Variants in LMAN1 observed in about 807,000 individuals in gnomAD.
LMAN1 encodes lectin, mannose binding 1, also known as protein ERGIC-53.
A neutral mutation model predicts 67.8 loss-of-function variants in LMAN1; 32 were observed. The observed-to-expected ratio is 0.47, with a 90% CI of 0.36 to 0.63. LMAN1 has a LOEUF of 0.63. LMAN1 is among the 30% of genes least tolerant of loss of function. LMAN1 has a pLI of 0.00. For missense variants in LMAN1, 632 were observed against 628.2 expected (o/e 1.01, Z -0.06); for synonymous variants, 235 against 219.3 (o/e 1.07, Z -0.63).
At chr18:59,355,715 A>C in intron 1 of LMAN1, 57 bp from the exon 2 acceptor site, 1 of 1,569,926 alleles carries the variant, frequency 6.4e-7, no homozygotes. Flanking sequence ...AAACTCAATG[A>C]TCATTTCCAA....
chr18:59,346,194 C>G, intron 7 of LMAN1, 143 bp from the exon 8 acceptor site: 2 of 423,958 alleles, frequency 4.7e-6, no homozygotes, highest in Admixed American at 3.9e-5. Context: ...TTTACTTAAA[C>G]GATAGCAAAT....
chr18:59,345,725 A>C (rs184727606), intron 8 of LMAN1, among the ~76,000 whole-genome samples, 194 bp downstream of exon 8: 1 of 152,206 alleles, frequency 6.6e-6, no homozygotes, highest in Non-Finnish European at 1.5e-5. Flanking sequence ...ACTAAGCCAC[A>C]TTCTCACTGG....
At chr18:59,355,119 C>T (rs1908630288) in intron 3 of LMAN1, among the ~76,000 whole-genome samples, 194 bp downstream of exon 3, 1 of 152,108 alleles carries the variant, frequency 6.6e-6, no homozygotes. Flanking sequence ...AGCTGATGTA[C>T]AAAAAATCAT....
rs749081325 is a variant in LMAN1, at chr18:59,359,139, C to G, written c.106G>C (p.Asp36His). ...CGATGTGGCAACGCGACCGCGGGGT[C>G]TCCTCCCACGCCGTCGCCCCGGACG... ...RFVRGDGVGG[D>H]PAVALPHRRF... Residue 36 changes from aspartate to histidine, a missense_variant, in exon 1 of 13, where the codon GAC becomes CAC. Coordinates refer to ENST00000251047, the MANE Select transcript of LMAN1 (RefSeq NM_005570.4). 6.2e-7 allele frequency: 1 copy of G among 1,613,984 alleles called. No individual in the cohort carries two copies. Among genetic ancestry groups the G allele is most frequent in the African/African-American group, 1.3e-5 (1 of 74,940 alleles).
At chr18:59,357,917 T>C (rs35167003) in intron 1 of LMAN1, among the ~76,000 whole-genome samples, 3,385 of 137,988 alleles carry the variant, frequency 0.025, 46 homozygotes, top group Non-Finnish European at 0.037. Flanking sequence ...AATGTATACA[T>C]ACTAACCAAC....
intron 10 of LMAN1, among the ~76,000 whole-genome samples, chr18:59,337,606 TG>T: frequency 6.6e-6 from 1 of 152,322 alleles, no homozygotes; most frequent in East Asian, 1.9e-4. Flanking sequence ...TTAAAAAGGT[TG>T]CGTTACATGA....
At chr18:59,349,080 A>T in intron 6 of LMAN1, 33 bp downstream of exon 6, 2 of 1,613,502 alleles carry the variant, frequency 1.2e-6, no homozygotes. Context: ...CACACCTCAC[A>T]AACTTTTAAT....
In LMAN1 at chr18:59,359,229, G is replaced by C. The variant is rs763331533; in HGVS notation, c.16C>G (p.Gln6Glu). ...CGAACTCTGGCCCGGAGACCCCTTTGCCTGGATCCCGCCATCTTGGATTCT... is the reference window on the plus strand; with the variant it reads ...CGAACTCTGGCCCGGAGACCCCTTTCCCTGGATCCCGCCATCTTGGATTCT... MAGSR[Q>E]RGLRARVRPL... The change falls in exon 1 of 13, where the codon CAA (glutamine) becomes GAA (glutamate). Residue 6 changes from glutamine to glutamate, a missense_variant. By Grantham distance (29) the Gln-to-Glu change is conservative. Transcript: ENST00000251047. 8 of 1,613,704 alleles carry C rather than the reference G, an allele frequency of 5.0e-6. No homozygotes were observed. The highest frequency in any genetic ancestry group is 2.7e-5 in the African/African-American group (2 of 74,938).
chr18:59,345,509 C>T (rs1285507638), intron 8 of LMAN1, among the ~76,000 whole-genome samples: 1 of 152,086 alleles, frequency 6.6e-6, no homozygotes, highest in Non-Finnish European at 1.5e-5. Context: ...AATTATGTGT[C>T]ACTAAAACCA....
chr18:59,340,554 TG>T (rs1908264619), intron 8 of LMAN1, among the ~76,000 whole-genome samples: 1 of 150,366 alleles, frequency 6.7e-6, no homozygotes, highest in South Asian at 2.1e-4. Context: ...GCTTCACAAA[TG>T]AAGAAGAAAT....
At chr18:59,331,263 C>T (rs1003961662) in intron 12 of LMAN1, 134 bp from the exon 13 acceptor site, 14 of 1,046,226 alleles carry the variant, frequency 1.3e-5, no homozygotes, top group Admixed American at 3.9e-5. Context: ...ATATTCTACA[C>T]GTGCACTTTA....
chr18:59,355,793 A>G (rs1393519936), intron 1 of LMAN1, 135 bp from the exon 2 acceptor site: 4 of 981,270 alleles, frequency 4.1e-6, no homozygotes, highest in Non-Finnish European at 6.2e-6. Flanking sequence ...TTTCATGTTG[A>G]CAGTTTTAAC....
chr18:59,345,855 A>G, intron 8 of LMAN1, 64 bp downstream of exon 8: 1 of 1,593,318 alleles, frequency 6.3e-7, no homozygotes, highest in Non-Finnish European at 8.6e-7. Context: ...CAGAGACTCA[A>G]GCGTCCATGA....
chr18:59,349,171 A>G lies in LMAN1; in HGVS notation c.705T>C (p.Asn235=), dbSNP rs1446170349. The G allele has an allele frequency of 1.2e-6, 2 of 1,613,940 alleles. No individual in the cohort carries two copies. Among genetic ancestry groups the G allele is most frequent in the Admixed American group, 3.3e-5 (2 of 60,020 alleles). Residue 235 remains asparagine, a synonymous_variant, in exon 6 of 13, where the codon AAT becomes AAC. Transcript: ENST00000251047. ...AATGCCCTTGTGCAGGGATAATCATATTTTCCACTTTGGCACAAAATTCAT... is the reference window on the plus strand; with the variant it reads ...AATGCCCTTGTGCAGGGATAATCATGTTTTCCACTTTGGCACAAAATTCAT... ...NDYEFCAKVE[N]MIIPAQGHFG... is the part of the protein sequence containing the mutation.
intron 10 of LMAN1, among the ~76,000 whole-genome samples, chr18:59,336,961 C>T (rs201706382): frequency 6.6e-6 from 1 of 151,480 alleles, no homozygotes; most frequent in East Asian, 1.9e-4. Flanking sequence ...TTTCTTGTTA[C>T]AGGCAAGAAA....
rs1908259874 is a variant in LMAN1 at position 59,340,345 on chromosome 18, A to C, written c.956-1392T>G. ...TTTCACTACAGCATATTGTATTCAG[A>C]ATGTCTAAAGTCAATGTGAAATAAT... On this transcript the variant is annotated intron_variant, in intron 8 of 12. Transcript: ENST00000251047. Among the ~76,000 whole-genome samples, 4 of 152,332 alleles carry C rather than the reference A, an allele frequency of 2.6e-5. No individual in the cohort carries two copies. The South Asian group carries it at 8.3e-4, about 32-fold the overall frequency.
chr18:59,338,564 C>A lies in LMAN1; in HGVS notation c.1213G>T (p.Glu405Ter). Residue 405 changes from glutamate to a stop codon, truncating the protein, a stop_gained, in exon 10 of 13, where the codon GAA becomes TAA. Coordinates refer to ENST00000251047, the MANE Select transcript of LMAN1 (RefSeq NM_005570.4). LOFTEE classifies it high-confidence loss of function. Reference sequence around the variant, plus strand: ...CTACTTTTCCATACTTACTTCATTTCATTTACTTGTCTCAGAATCTCATGC... The same window carrying A: ...CTACTTTTCCATACTTACTTCATTTAATTTACTTGTCTCAGAATCTCATGC... Reference protein sequence around the residue: ...TQHEILRQVNEMKNSMSETVR... With the variant: ...TQHEILRQVN The A allele has an allele frequency of 6.2e-7, 1 of 1,612,736 alleles. No homozygotes were observed. The highest frequency in any genetic ancestry group is 8.5e-7 in the Non-Finnish European group (1 of 1,178,946).
intron 1 of LMAN1, among the ~76,000 whole-genome samples, chr18:59,355,946 T>A (rs1908652625): frequency 6.6e-6 from 1 of 152,168 alleles, no homozygotes; most frequent in African/African-American, 2.4e-5. Flanking sequence ...TAACATTCTT[T>A]TTAAAAACCT....
At chr18:59,346,658 C>T (rs1218695503) in intron 7 of LMAN1, among the ~76,000 whole-genome samples, 2 of 151,746 alleles carry the variant, frequency 1.3e-5, no homozygotes, top group East Asian at 2.0e-4. Context: ...GTAGCTGGAA[C>T]TATAGGTGTG....
Sources: allele counts gnomAD v4.1 joint callset (sites outside exome capture counted in the v4.1 genomes callset), GRCh38; gene constraint gnomAD v4.1.1; transcripts MANE v1.5; gene names NCBI Gene and HGNC (gene_info 2026-07-23, HGNC 2026-07-21).